The following WDR17 variants were observed in gnomAD, a reference collection of about 807,000 sequenced individuals.
WDR17 encodes WD repeat domain 17, also known as WD repeat-containing protein 17.
In WDR17, 143 loss-of-function variants were observed where a neutral mutation model predicts 161.7. The ratio of observed to expected loss-of-function variants is 0.88; its 90% confidence interval spans 0.77 to 1.02. The LOEUF is 1.02. Ranked by LOEUF, WDR17 falls within the 50% of genes least tolerant of loss-of-function variation. WDR17 has a pLI of 0.00. For synonymous variants in WDR17, 517 were observed against 515.6 expected (o/e 1.00, Z -0.04); for missense variants, 1,469 against 1,520.9 (o/e 0.97, Z 0.57).
intron 18 of WDR17, among the ~76,000 whole-genome samples, chr4:176,157,676 C>T (rs1403291368): frequency 6.6e-6 from 1 of 152,206 alleles, no homozygotes; most frequent in Non-Finnish European, 1.5e-5. Context: ...AAAGTGGAGT[C>T]ACTCCGTGTT....
At chr4:176,069,218 A>G (rs1277018342) in intron 1 of WDR17, among the ~76,000 whole-genome samples, 1 of 151,996 alleles carries the variant, frequency 6.6e-6, no homozygotes, top group East Asian at 1.9e-4. Flanking sequence ...CCTGCCTTCC[A>G]GATGTCACAT....
chr4:176,179,226 C>T (rs540813346), intron 28 of WDR17, among the ~76,000 whole-genome samples: 1 of 152,176 alleles, frequency 6.6e-6, no homozygotes, highest in African/African-American at 2.4e-5. Context: ...AAATTGTAAA[C>T]AATTCTATTT....
chr4:176,075,807 CA>C (rs1487771889), intron 1 of WDR17, among the ~76,000 whole-genome samples: 1 of 151,490 alleles, frequency 6.6e-6, no homozygotes, highest in African/African-American at 2.4e-5. Flanking sequence ...CCTATGTCTA[CA>C]AAAAAGAAAA....
rs574091501 is a variant in WDR17 at position 176,118,900 on chromosome 4, G to A, written c.308-967G>A. On this transcript the variant is annotated intron_variant, in intron 3 of 28. Transcript: ENST00000508596. ...GGCATGAACCCGGGAGGCGGAGCTT[G>A]CAGTGAGCCGAGATTGCATCACTGC... 3.4e-4 allele frequency among the ~76,000 whole-genome samples: 52 copies of A among 152,182 alleles called. No individual in the cohort carries two copies. In the South Asian group the frequency reaches 0.011, roughly 31 times the overall value.
intron 1 of WDR17, among the ~76,000 whole-genome samples, chr4:176,099,069 A>G (rs1287139284): frequency 6.6e-6 from 1 of 152,158 alleles, no homozygotes; most frequent in African/African-American, 2.4e-5. Context: ...TAAATTTAGA[A>G]GTTTATTTTT....
chr4:176,109,946 A>G (rs965120049), intron 1 of WDR17, among the ~76,000 whole-genome samples: 4 of 152,284 alleles, frequency 2.6e-5, no homozygotes, highest in South Asian at 4.1e-4. Context: ...AATTTATTAT[A>G]GCTCTCAGTT....
chr4:176,069,037 A>G (rs926529830), intron 1 of WDR17, among the ~76,000 whole-genome samples: 11 of 152,200 alleles, frequency 7.2e-5, no homozygotes, highest in Non-Finnish European at 1.3e-4. Flanking sequence ...AAAGATTTGA[A>G]AAGTTTCCAT....
chr4:176,102,649 G>C (rs1738001019), intron 1 of WDR17, among the ~76,000 whole-genome samples: 2 of 152,120 alleles, frequency 1.3e-5, no homozygotes, highest in Non-Finnish European at 2.9e-5. Context: ...TAGATAAATA[G>C]TATTATTCTG....
At chr4:176,121,563 T>C (rs758032372) in intron 4 of WDR17, among the ~76,000 whole-genome samples, 9 of 152,138 alleles carry the variant, frequency 5.9e-5, no homozygotes, top group Non-Finnish European at 1.2e-4. Context: ...ATATGAGGAG[T>C]GTGTTTTTAT....
chr4:176,166,034 C>T (rs1749726011), intron 22 of WDR17: 1 of 653,760 alleles, frequency 1.5e-6, no homozygotes, highest in Non-Finnish European at 2.5e-6. Flanking sequence ...AAGCTATAAA[C>T]AGCGCTTTTT....
intron 1 of WDR17, among the ~76,000 whole-genome samples, chr4:176,085,971 C>T (rs904143055): frequency 1.1e-4 from 17 of 151,934 alleles, no homozygotes; most frequent in Admixed American, 9.2e-4. Context: ...ATTAATCTAG[C>T]TGCAACCCAC....
Position 176,172,461 on chromosome 4 carries a change from C to T in WDR17, c.3189C>T (p.Tyr1063=), listed in dbSNP as rs1020007117. Residue 1063 remains tyrosine, a synonymous_variant, in exon 24 of 29, where the codon TAC becomes TAT. Coordinates refer to ENST00000508596, the MANE Select transcript of WDR17 (RefSeq NM_181265.4). ...DDNIFETVKY[Y]LLSQEPEKAL... is the part of the protein sequence containing the mutation. Reference sequence around the variant, plus strand: ...ATATATTTGAAACTGTAAAATATTACTTGTTAAGTCAAGAACCTGAAAAAG... The same window carrying T: ...ATATATTTGAAACTGTAAAATATTATTTGTTAAGTCAAGAACCTGAAAAAG... 2 of 1,610,548 alleles carry T rather than the reference C, an allele frequency of 1.2e-6. No individual in the cohort carries two copies. Among genetic ancestry groups the T allele is most frequent in the African/African-American group, 1.3e-5 (1 of 74,734 alleles).
intron 1 of WDR17, among the ~76,000 whole-genome samples, chr4:176,079,155 C>T (rs867637064): frequency 2.0e-5 from 3 of 152,264 alleles, no homozygotes; most frequent in South Asian, 2.1e-4. Context: ...GCTTATTTCA[C>T]TTAACATGTC....
chr4:176,156,909 A>G (rs566699601), intron 18 of WDR17, among the ~76,000 whole-genome samples: 20 of 152,144 alleles, frequency 1.3e-4, no homozygotes, highest in African/African-American at 4.3e-4. Flanking sequence ...TTATCTGCAC[A>G]TGGCATTATT....
At chr4:176,096,481 C>T in intron 1 of WDR17, 1 of 1,545,990 alleles carries the variant, frequency 6.5e-7, no homozygotes, top group Non-Finnish European at 8.8e-7. Context: ...TATTCTGATG[C>T]CGAGTTTCCA....
At chr4:176,147,659 A>T (rs1042007580) in intron 12 of WDR17, among the ~76,000 whole-genome samples, 1 of 152,194 alleles carries the variant, frequency 6.6e-6, no homozygotes, top group Admixed American at 6.5e-5. Flanking sequence ...CACTTTGGTT[A>T]TAGCTGTTTT....
In WDR17 at chr4:176,151,817, A is replaced by G. The variant is rs777529145; in HGVS notation, c.2310A>G (p.Glu770=). 1.5e-5 allele frequency: 23 copies of G among 1,569,434 alleles called. No homozygotes were observed. The highest frequency in any genetic ancestry group is 2.0e-5 in the Non-Finnish European group (23 of 1,163,410). The change falls in exon 17 of 29, where the codon GAA becomes GAG. Residue 770 remains glutamate, a synonymous_variant. Coordinates refer to ENST00000508596, the MANE Select transcript of WDR17 (RefSeq NM_181265.4). ...TATTTTCTTTTTAAAACCAGTCTGA[A>G]GCTCAAGAACTAACAACAGTCAAGA... The part of the protein sequence containing the change: ...LKHLIKFRTS[E]AQELTTVKMS...
At chr4:176,151,348 G>A (rs1747074639) in intron 16 of WDR17, among the ~76,000 whole-genome samples, 1 of 152,092 alleles carries the variant, frequency 6.6e-6, no homozygotes, top group Admixed American at 6.6e-5. Context: ...AACACCTGGA[G>A]AGGGTTAAGA....
At position 176,156,099 on chromosome 4, in the gene WDR17, T is replaced by G. The variant is rs150393255; in HGVS notation, c.2481T>G (p.Ile827Met). Residue 827 changes from isoleucine (I) to methionine (M), a missense_variant, in exon 18 of 29, where the codon ATT becomes ATG. Transcript: ENST00000508596. Reference sequence around the variant, plus strand: ...TGTAGTGGGACAAAGCCCTGTCAATTGCACCAGGAGTCTCTGTGAAATACT... The same window carrying G: ...TGTAGTGGGACAAAGCCCTGTCAATGGCACCAGGAGTCTCTGTGAAATACT... ...ELGEWDKALS[I>M]APGVSVKYWK... 480 of 1,613,712 alleles carry G rather than the reference T, an allele frequency of 3.0e-4. No homozygotes were observed. In the African/African-American group the frequency reaches 5.9e-3, roughly 20 times the overall value.
Sources: allele counts gnomAD v4.1 joint callset (sites outside exome capture counted in the v4.1 genomes callset), GRCh38; gene constraint gnomAD v4.1.1; transcripts MANE v1.5; gene names NCBI Gene and HGNC (gene_info 2026-07-23, HGNC 2026-07-21).